Variants in POFUT2 observed in about 807,000 individuals in gnomAD.
POFUT2 encodes GDP-fucose protein O-fucosyltransferase 2.
Under a neutral mutation model 55.0 loss-of-function variants are expected in POFUT2, and 30 were observed. That is an observed-to-expected ratio of 0.55 (90% CI 0.41 to 0.74). The LOEUF (loss-of-function observed/expected upper bound fraction) is 0.74. POFUT2 is among the 30% of genes least tolerant of loss of function. The probability of loss-of-function intolerance (pLI) is 0.00; values close to 1 mark genes in which losing one functional copy is unlikely to be tolerated. For missense variants in POFUT2, 524 were observed against 562.6 expected, an observed-to-expected ratio of 0.93 and a Z score of 0.69; for synonymous variants, 267 against 231.1, an observed-to-expected ratio of 1.16 and a Z score of -1.41.
At position 45,281,641 on chromosome 21, in the gene POFUT2, A is replaced by G. The variant is rs1010316983; in HGVS notation, c.638+708T>C. On this transcript the variant is annotated intron_variant, in intron 4 of 8. Transcript: ENST00000349485. The surrounding 1 kb of genome is among the most constrained non-coding windows in gnomAD (Gnocchi z 5.0). ...CACACACAGGGCACGACAGCAGACA[A>G]GGCAGCCTCAACGTGGGCAAGTGCG... Among the ~76,000 whole-genome samples the G allele has an allele frequency of 6.6e-6, 1 of 152,070 alleles. No individual in the cohort carries two copies. The highest frequency in any genetic ancestry group is 2.1e-4 in the South Asian group (1 of 4,798).
rs74961332 is a variant in POFUT2 at position 45,282,907 on chromosome 21, A to G, written c.528-448T>C. On this transcript the variant is annotated intron_variant, in intron 3 of 8. Transcript: ENST00000349485. This position sits in a 1 kb window ranked among gnomAD's most constrained non-coding sequence, Gnocchi z 4.6. Reference sequence around the variant, plus strand: ...GGTAGTGTCAGAGCCTTTAATGGCAATCGACACTTGGGACTGACAAGACCT... The same window carrying G: ...GGTAGTGTCAGAGCCTTTAATGGCAGTCGACACTTGGGACTGACAAGACCT... 0.15 allele frequency: 70,200 copies of G among 474,040 alleles called. 5,899 individuals carry two copies. Among genetic ancestry groups the G allele is most frequent in the African/African-American group, 0.27 (13,556 of 50,238 alleles). 29.4% of individuals were successfully genotyped at this position (474,040 alleles called of 1,614,324 possible). A position where few individuals can be genotyped will look rare whatever the true frequency, so the allele number is the denominator to read the frequency against.
intron 6 of POFUT2, among the ~76,000 whole-genome samples, chr21:45,271,980 C>T (rs949333784): frequency 3.3e-5 from 5 of 151,992 alleles, no homozygotes; most frequent in South Asian, 2.1e-4. Flanking sequence ...TATAAAACAA[C>T]GCAATGAAAA....
intron 4 of POFUT2, among the ~76,000 whole-genome samples, chr21:45,279,408 A>G (rs1569227928): frequency 1.3e-5 from 2 of 152,222 alleles, no homozygotes; most frequent in African/African-American, 4.8e-5. Context: ...AAAAATACAA[A>G]AAACAAACAA....
chr21:45,268,796 C>T (rs1227667948), intron 7 of POFUT2, among the ~76,000 whole-genome samples: 17 of 147,764 alleles, frequency 1.2e-4, no homozygotes, highest in African/African-American at 2.6e-4. Flanking sequence ...GCAGCCACCC[C>T]GTCCGGGAGG....
At chr21:45,278,887 G>A (rs1016729740) in intron 4 of POFUT2, among the ~76,000 whole-genome samples, 18 of 152,132 alleles carry the variant, frequency 1.2e-4, no homozygotes, top group African/African-American at 4.3e-4. Context: ...AAGTCATCCT[G>A]GTGCCTGTGA....
At position 45,266,956 on chromosome 21, in the gene POFUT2, G is replaced by A. The variant is rs548895801; in HGVS notation, c.1136+634C>T. On this transcript the variant is annotated intron_variant, in intron 8 of 8. Transcript: ENST00000349485. ...GGTCTTTGGAGGAACAGAGGCCCAG[G>A]CGTACCTCCCACAGCAACCCCAGAG... 1.4e-5 allele frequency: 14 copies of A among 1,025,248 alleles called. No homozygotes were observed. The Admixed American group carries it at 5.7e-4, about 42-fold the overall frequency. The allele number at this position is 1,025,248 out of a possible 1,614,324, so 63.5% of individuals were successfully genotyped here.
At chr21:45,283,348 G>GGGGGGGGGGGGGGC in intron 3 of POFUT2, 35 bp downstream of exon 3, 1 of 1,144,154 alleles carries the variant, frequency 8.7e-7, no homozygotes, top group South Asian at 1.3e-5. Flanking sequence ...AGGTGGGGGG[G>GGGGGGGGGGGGGGC]CACCTGCGGC....
intron 4 of POFUT2, among the ~76,000 whole-genome samples, chr21:45,279,190 G>A (rs1418475645): frequency 6.6e-6 from 1 of 152,028 alleles, no homozygotes; most frequent in Non-Finnish European, 1.5e-5. Context: ...AGGAGATCGA[G>A]ACCATCCTGG....
intron 6 of POFUT2, among the ~76,000 whole-genome samples, chr21:45,275,375 G>A (rs7275382): frequency 0.32 from 48,775 of 152,086 alleles, 8,103 homozygotes; most frequent in East Asian, 0.44. Context: ...TCCTTAAAGA[G>A]CTAAAAGTAG....
Position 45,285,912 on chromosome 21 carries a change from C to T in POFUT2, c.148G>A (p.Val50Ile), listed in dbSNP as rs145387445. 1.6e-5 allele frequency: 25 copies of T among 1,608,704 alleles called. No individual in the cohort carries two copies. Among genetic ancestry groups the T allele is most frequent in the African/African-American group, 4.0e-5 (3 of 74,856 alleles). The change falls in exon 2 of 9, where the codon GTC becomes ATC. Residue 50 changes from valine (V) to isoleucine (I), a missense_variant. This residue lies in a region of POFUT2 where 274 missense variants were observed against 244.4 expected (regional missense o/e 1.12). Transcript: ENST00000349485. The surrounding 1 kb of genome is among the most constrained non-coding windows in gnomAD (Gnocchi z 4.9). ...AGGTTGAAGCCTTCCGGGGGGTTGA[C>T]GTCATACAGAAGATACCTGAGCAGG... ...ASRRRYLLYDVNPPEGFNLRR... is the reference protein window; with the variant it reads ...ASRRRYLLYDINPPEGFNLRR...
In POFUT2 at chr21:45,263,955, T is replaced by C. The variant is rs1444450212; in HGVS notation, c.*1527A>G. ...CCAACTTCCATAAAGCAGTTTATTT[T>C]TCTTAAAAAGGAAGGTACATGGTCA... On this transcript the variant is annotated 3_prime_UTR_variant, in exon 9 of 9. Transcript: ENST00000349485. 3 of 152,264 alleles carry C rather than the reference T, an allele frequency of 2.0e-5. No individual in the cohort carries two copies. Among genetic ancestry groups the C allele is most frequent in the African/African-American group, 4.8e-5 (2 of 41,456 alleles). The allele number at this position is 152,264 out of a possible 1,614,324, so 9.4% of individuals were successfully genotyped here. A position where few individuals can be genotyped will look rare whatever the true frequency, so the allele number is the denominator to read the frequency against.
chr21:45,278,510 G>A (rs2030106971), intron 4 of POFUT2, among the ~76,000 whole-genome samples: 1 of 152,240 alleles, frequency 6.6e-6, no homozygotes, highest in Admixed American at 6.5e-5. Context: ...GCGTGCCTGA[G>A]GAGGGGAGGG....
rs1453449861 is a variant in POFUT2 at position 45,284,538 on chromosome 21, CG to C, written c.383-1012del. On this transcript the variant is annotated intron_variant, in intron 2 of 8. Transcript: ENST00000349485. This position sits in a 1 kb window ranked among gnomAD's most constrained non-coding sequence, Gnocchi z 5.8. Reference sequence around the variant, plus strand: ...CCCAGGCTGGTGGATGGCAGGTAAGCGTGAGACCAGCATATGTGCCTCAGAA... The same window carrying C: ...CCCAGGCTGGTGGATGGCAGGTAAGCTGAGACCAGCATATGTGCCTCAGAA... Among the ~76,000 whole-genome samples, 1 of 152,186 alleles carries C rather than the reference CG, an allele frequency of 6.6e-6. No individual in the cohort carries two copies. The highest frequency in any genetic ancestry group is 2.4e-5 in the African/African-American group (1 of 41,430).
intron 4 of POFUT2, among the ~76,000 whole-genome samples, chr21:45,278,517 A>T (rs908526578): frequency 6.6e-6 from 1 of 152,100 alleles, no homozygotes; most frequent in African/African-American, 2.4e-5. Context: ...TGAGGAGGGG[A>T]GGGTGGGGGA....
In POFUT2 at chr21:45,269,775, G is replaced by C. The variant is rs1022943029; in HGVS notation, c.1012+64C>G. Reference sequence around the variant, plus strand: ...ATCCCCGTCTGTGAGAAACACCCAAGAATTATCAATAAAAAAAATAAATTA... The same window carrying C: ...ATCCCCGTCTGTGAGAAACACCCAACAATTATCAATAAAAAAAATAAATTA... On this transcript the variant is annotated intron_variant, in intron 7 of 8. Transcript: ENST00000349485. The C allele has an allele frequency of 2.3e-5, 34 of 1,474,546 alleles. No homozygotes were observed. In the South Asian group the frequency reaches 4.2e-4, roughly 18 times the overall value. 91.3% of individuals were successfully genotyped at this position (1,474,546 alleles called of 1,614,324 possible).
At chr21:45,266,263 A>G (rs770168067) in intron 8 of POFUT2, 1 of 1,367,518 alleles carries the variant, frequency 7.3e-7, no homozygotes, top group Non-Finnish European at 9.8e-7. Context: ...ATGTTTCCAG[A>G]GCAAATGTAA....
Position 45,265,284 on chromosome 21 carries a change from T to C in POFUT2, c.*198A>G. ...CACCCCCGAGAGCAGCGGAGCCTCT[T>C]CATCAGCCATGGCGGCTGGCAACGC... On this transcript the variant is annotated 3_prime_UTR_variant, in exon 9 of 9. Coordinates refer to ENST00000349485, the MANE Select transcript of POFUT2 (RefSeq NM_133635.6). This position sits in a 1 kb window ranked among gnomAD's most constrained non-coding sequence, Gnocchi z 4.6. 2.3e-6 allele frequency: 1 copy of C among 432,802 alleles called. No homozygotes were observed. Among genetic ancestry groups the C allele is most frequent in the Non-Finnish European group, 4.1e-6 (1 of 246,532 alleles). The allele number at this position is 432,802 out of a possible 1,614,324, so 26.8% of individuals were successfully genotyped here.
At chr21:45,279,182 G>A (rs1321747143) in intron 4 of POFUT2, among the ~76,000 whole-genome samples, 1 of 146,418 alleles carries the variant, frequency 6.8e-6, no homozygotes, top group Non-Finnish European at 1.5e-5. Context: ...ACGAGGTCAG[G>A]AGATCGAGAC....
rs758259797 is a variant in POFUT2, at chr21:45,282,880, C to T, written c.528-421G>A. ...AACTGACAGCTTTTCCACAGGAGGC[C>T]TGGTAGTGTCAGAGCCTTTAATGGC... is the stretch of plus-strand genomic sequence containing the variant. On this transcript the variant is annotated intron_variant, in intron 3 of 8. Coordinates refer to ENST00000349485, the MANE Select transcript of POFUT2 (RefSeq NM_133635.6). This position sits in a 1 kb window ranked among gnomAD's most constrained non-coding sequence, Gnocchi z 4.6. 2 of 476,828 alleles carry T rather than the reference C, an allele frequency of 4.2e-6. No individual in the cohort carries two copies. Among genetic ancestry groups the T allele is most frequent in the East Asian group, 6.8e-5 (1 of 14,602 alleles). 29.5% of individuals were successfully genotyped at this position (476,828 alleles called of 1,614,324 possible). A position where few individuals can be genotyped will look rare whatever the true frequency, so the allele number is the denominator to read the frequency against.
Sources: allele counts gnomAD v4.1 joint callset (sites outside exome capture counted in the v4.1 genomes callset), GRCh38; gene constraint gnomAD v4.1.1; regional missense constraint gnomAD v4.1.1; non-coding constraint Gnocchi (gnomAD v3.1); transcripts MANE v1.5; gene names NCBI Gene and HGNC (gene_info 2026-07-23, HGNC 2026-07-21).